The following KPNA5 variants were observed in gnomAD, a reference collection of about 807,000 sequenced individuals.
KPNA5 encodes the protein karyopherin subunit alpha 5.
A neutral mutation model predicts 71.3 loss-of-function variants in KPNA5; 46 were observed. That is an observed-to-expected ratio of 0.65 (90% CI 0.51 to 0.83). KPNA5 has a LOEUF of 0.83. Ranked by LOEUF, KPNA5 falls within the 40% of genes least tolerant of loss-of-function variation. The pLI, the probability that KPNA5 is intolerant of heterozygous loss-of-function variation, is 0.00. For missense variants in KPNA5, 547 were observed against 628.3 expected, an observed-to-expected ratio of 0.87 and a Z score of 1.38; for synonymous variants, 207 against 201.4, an observed-to-expected ratio of 1.03 and a Z score of -0.24.
intron 7 of KPNA5, among the ~76,000 whole-genome samples, chr6:116,705,861 T>C (rs1166179664): frequency 6.6e-6 from 1 of 152,204 alleles, no homozygotes. Context: ...AGGAATTGAA[T>C]AGGAAGAATA....
At chr6:116,707,327 T>C (rs1387623744) in intron 7 of KPNA5, among the ~76,000 whole-genome samples, 1 of 152,210 alleles carries the variant, frequency 6.6e-6, no homozygotes, top group African/African-American at 2.4e-5. Context: ...TGTAAATCTT[T>C]TACTACTATA....
chr6:116,712,174 C>T (rs1365907488), intron 7 of KPNA5, among the ~76,000 whole-genome samples: 3 of 152,146 alleles, frequency 2.0e-5, no homozygotes, highest in Non-Finnish European at 1.5e-5. Flanking sequence ...CTTTTGGCCT[C>T]AGGCGATCTA....
rs1162226872 is a variant in KPNA5, at chr6:116,736,929, C to G, written c.*4606C>G. On this transcript the variant is annotated 3_prime_UTR_variant, in exon 14 of 14. Transcript: ENST00000368564. ...GTTTTATATCTTCCATTTTTTTTAT[C>G]ATACTCAAGCTTTCCTCTGCTGGCT... 1 of 151,684 alleles carries G rather than the reference C, an allele frequency of 6.6e-6. No homozygotes were observed. Among genetic ancestry groups the G allele is most frequent in the Non-Finnish European group, 1.5e-5 (1 of 67,872 alleles). The allele number at this position is 151,684 out of a possible 1,614,324, so 9.4% of individuals were successfully genotyped here.
intron 1 of KPNA5, among the ~76,000 whole-genome samples, chr6:116,686,955 A>C (rs552305946): frequency 2.0e-5 from 3 of 152,212 alleles, no homozygotes; most frequent in Non-Finnish European, 4.4e-5. Context: ...GATTGAAGTC[A>C]GGTAATATGA....
At chr6:116,706,884 C>G (rs1320084746) in intron 7 of KPNA5, among the ~76,000 whole-genome samples, 1 of 151,978 alleles carries the variant, frequency 6.6e-6, no homozygotes, top group Non-Finnish European at 1.5e-5. Context: ...ATTATGCAGG[C>G]CGGGCGCAGT....
rs986300045 is a variant in KPNA5, at chr6:116,741,818, A to G, written c.*9495A>G. 3.4e-4 allele frequency: 51 copies of G among 152,188 alleles called. No individual in the cohort carries two copies. The highest frequency in any genetic ancestry group is 1.2e-3 in the African/African-American group (49 of 41,468). 9.4% of individuals were successfully genotyped at this position (152,188 alleles called of 1,614,324 possible). Reference sequence around the variant, plus strand: ...TTTTAAAGCATTGTTCTTAATCCCCATGACTGTCCTTCAGTCACAATTCCA... The same window carrying G: ...TTTTAAAGCATTGTTCTTAATCCCCGTGACTGTCCTTCAGTCACAATTCCA... On this transcript the variant is annotated 3_prime_UTR_variant, in exon 14 of 14. Transcript: ENST00000368564.
At position 116,732,077 on chromosome 6, in the gene KPNA5, TATATA is replaced by T. The variant is rs1562458639; in HGVS notation, c.1433-58_1433-54del. The T allele has an allele frequency of 8.3e-3, 1,201 of 144,754 alleles. 110 individuals are homozygous for T. Among genetic ancestry groups the T allele is most frequent in the South Asian group, 0.019 (98 of 5,278 alleles). The allele number at this position is 144,754 out of a possible 1,614,324, so 9.0% of individuals were successfully genotyped here. The stretch of plus-strand genomic sequence containing the variant: ...TGAAATTGTAGTAACAGTTTGTTTA[TATATA>T]TATATATATATATATATATATATAT... On this transcript the variant is annotated intron_variant, in intron 13 of 13. Transcript: ENST00000368564.
In KPNA5 at chr6:116,734,440, T is replaced by C. The variant is rs374746289; in HGVS notation, c.*2117T>C. ...TTAAATTTTGCCGGTAAAACAAACA[T>C]ATCTCTACAGACTGTGATTATACTT... On this transcript the variant is annotated 3_prime_UTR_variant, in exon 14 of 14. Transcript: ENST00000368564. 1 of 151,862 alleles carries C rather than the reference T, an allele frequency of 6.6e-6. No homozygotes were observed. The highest frequency in any genetic ancestry group is 1.9e-4 in the East Asian group (1 of 5,174). 9.4% of individuals were successfully genotyped at this position (151,862 alleles called of 1,614,324 possible).
At chr6:116,709,029 A>C (rs1583425171) in intron 7 of KPNA5, among the ~76,000 whole-genome samples, 1 of 151,848 alleles carries the variant, frequency 6.6e-6, no homozygotes, top group East Asian at 2.0e-4. Flanking sequence ...CAAGTGATAC[A>C]TCCCCCCTTG....
chr6:116,707,914 C>T (rs1330176977), intron 7 of KPNA5, among the ~76,000 whole-genome samples: 1 of 152,190 alleles, frequency 6.6e-6, no homozygotes, highest in East Asian at 1.9e-4. Context: ...TAAGCAGTCA[C>T]ATCCCGTTTT....
chr6:116,701,233 A>G (rs1295206584), intron 5 of KPNA5, among the ~76,000 whole-genome samples: 1 of 152,172 alleles, frequency 6.6e-6, no homozygotes, highest in East Asian at 1.9e-4. Context: ...GTGAAATATT[A>G]AAAAAATTTT....
chr6:116,727,905 A>G (rs1779344259), intron 12 of KPNA5, among the ~76,000 whole-genome samples: 1 of 152,110 alleles, frequency 6.6e-6, no homozygotes, highest in Non-Finnish European at 1.5e-5. Flanking sequence ...GACTTCTTAG[A>G]AAATATTTTC....
intron 9 of KPNA5, among the ~76,000 whole-genome samples, chr6:116,722,867 T>C (rs2114487638): frequency 6.6e-6 from 1 of 152,334 alleles, no homozygotes; most frequent in South Asian, 2.1e-4. Flanking sequence ...ACTTACCCTC[T>C]TTAAAAAATG....
At chr6:116,705,391 TCTAAAATAATTATTCTGCAA>T (rs1337614583) in intron 7 of KPNA5, among the ~76,000 whole-genome samples, 3 of 152,214 alleles carry the variant, frequency 2.0e-5, no homozygotes, top group Non-Finnish European at 4.4e-5. Context: ...TGCTTACTGA[TCTAAAATAATTATTCTGCAA>T]AAACAAGGAT....
Position 116,715,578 on chromosome 6 carries a change from A to T in KPNA5, c.657-641A>T, listed in dbSNP as rs144667573. On this transcript the variant is annotated intron_variant, in intron 7 of 13. Coordinates refer to ENST00000368564, the MANE Select transcript of KPNA5 (RefSeq NM_001366306.2). ...ATAGGTAATCTTTATATAATTTAAAACTGTATTCCTTGCTTTCTGAATTCA... is the reference window on the plus strand; with the variant it reads ...ATAGGTAATCTTTATATAATTTAAATCTGTATTCCTTGCTTTCTGAATTCA... 7.3e-3 allele frequency among the ~76,000 whole-genome samples: 1,110 copies of T among 152,244 alleles called. 18 individuals are homozygous for T. Among genetic ancestry groups the T allele is most frequent in the African/African-American group, 0.024 (982 of 41,532 alleles).
chr6:116,682,912 T>G (rs962436742), intron 1 of KPNA5, among the ~76,000 whole-genome samples: 1 of 152,208 alleles, frequency 6.6e-6, no homozygotes, highest in Admixed American at 6.5e-5. Flanking sequence ...TTGTCCCCTT[T>G]AAAGCAACTG....
chr6:116,734,294 C>T lies in KPNA5; in HGVS notation c.*1971C>T, dbSNP rs1037361390. On this transcript the variant is annotated 3_prime_UTR_variant, in exon 14 of 14. Transcript: ENST00000368564. ...TGTGCCTCCTTTTATTTTGAGGACCCTGTAGTCACTATAATAAATTTCTAA... is the reference window on the plus strand; with the variant it reads ...TGTGCCTCCTTTTATTTTGAGGACCTTGTAGTCACTATAATAAATTTCTAA... 2.0e-5 allele frequency: 3 copies of T among 151,620 alleles called. No individual in the cohort carries two copies. In the East Asian group the frequency reaches 5.8e-4, roughly 29 times the overall value. 9.4% of individuals were successfully genotyped at this position (151,620 alleles called of 1,614,324 possible).
At chr6:116,682,657 C>G (rs530400440) in intron 1 of KPNA5, among the ~76,000 whole-genome samples, 3 of 152,268 alleles carry the variant, frequency 2.0e-5, no homozygotes, top group Admixed American at 6.5e-5. Flanking sequence ...TAAAGAAAAT[C>G]ATAAGTTCAG....
chr6:116,706,864 T>A (rs999697369), intron 7 of KPNA5, among the ~76,000 whole-genome samples: 1 of 151,302 alleles, frequency 6.6e-6, no homozygotes, highest in African/African-American at 2.4e-5. Flanking sequence ...AATTTTCAGC[T>A]TAAAAAATGA....
Sources: gnomAD v4.1 joint callset for allele counts (sites outside exome capture counted in the v4.1 genomes callset) on GRCh38, gnomAD v4.1.1 for gene constraint, MANE v1.5 for transcripts, NCBI Gene and HGNC (gene_info 2026-07-23, HGNC 2026-07-21) for gene names.